The following OR10J1 variants were observed in gnomAD, a reference collection of about 807,000 sequenced individuals.
OR10J1 encodes the protein olfactory receptor family 10 subfamily J member 1, also known as olfactory receptor 10J1.
For synonymous variants in OR10J1, 202 were observed against 143.8 expected (o/e 1.40, Z -2.89); for missense variants, 474 against 376.6 (o/e 1.26, Z -2.14).
the OR10J1 span, among the ~76,000 whole-genome samples, chr1:159,402,629 A>G: frequency 2.0e-5 from 3 of 152,110 alleles, no homozygotes; most frequent in African/African-American, 7.2e-5. Context: ...AAAAAAAGGA[A>G]AAAGATTCCA....
the OR10J1 span, among the ~76,000 whole-genome samples, chr1:159,423,037 A>G: frequency 6.6e-6 from 1 of 152,184 alleles, no homozygotes; most frequent in Non-Finnish European, 1.5e-5. Context: ...GAAGAGGTGA[A>G]TACCAGATGC....
the OR10J1 span, among the ~76,000 whole-genome samples, chr1:159,421,531 G>T: frequency 2.6e-5 from 4 of 152,140 alleles, no homozygotes; most frequent in South Asian, 4.1e-4. Flanking sequence ...CCAATTTTTT[G>T]AATTTGTTCT....
At chr1:159,420,146 C>T in the OR10J1 span, among the ~76,000 whole-genome samples, 1 of 152,036 alleles carries the variant, frequency 6.6e-6, no homozygotes, top group Non-Finnish European at 1.5e-5. Context: ...TTTTTTCCTG[C>T]TCACTTTGGT....
At chr1:159,421,810 C>A in the OR10J1 span, among the ~76,000 whole-genome samples, 1 of 152,104 alleles carries the variant, frequency 6.6e-6, no homozygotes, top group Non-Finnish European at 1.5e-5. Context: ...CTGTTCATGG[C>A]CCCATGGTGA....
the OR10J1 span, among the ~76,000 whole-genome samples, chr1:159,411,691 C>A: frequency 3.3e-5 from 5 of 152,084 alleles, no homozygotes; most frequent in South Asian, 1.0e-3. Flanking sequence ...GCATTTAGCC[C>A]ATTTACATTT....
the OR10J1 span, among the ~76,000 whole-genome samples, chr1:159,428,153 A>G: frequency 1.3e-5 from 2 of 152,212 alleles, no homozygotes; most frequent in South Asian, 2.1e-4. Context: ...AAGTGTTAGT[A>G]TTGAATATTA....
At chr1:159,425,908 C>T in the OR10J1 span, among the ~76,000 whole-genome samples, 1 of 151,962 alleles carries the variant, frequency 6.6e-6, no homozygotes, top group Non-Finnish European at 1.5e-5. Flanking sequence ...AAGTGGCTGC[C>T]TCCAAAAGGC....
the OR10J1 span, chr1:159,432,631 T>A: frequency 1.3e-5 from 6 of 455,316 alleles, no homozygotes; most frequent in East Asian, 1.9e-4. Context: ...AAGGCTTGTA[T>A]ACAACTGGTC....
the OR10J1 span, among the ~76,000 whole-genome samples, chr1:159,414,809 A>G: frequency 6.6e-6 from 1 of 152,058 alleles, no homozygotes; most frequent in Non-Finnish European, 1.5e-5. Context: ...TGTGGTTTTG[A>G]TTTGAATTTC....
chr1:159,428,811 C>T, the OR10J1 span, among the ~76,000 whole-genome samples: 278 of 152,306 alleles, frequency 1.8e-3, 2 homozygotes, highest in Middle Eastern at 0.01. Flanking sequence ...CTCTTCCATG[C>T]TTGTCAGTCT....
chr1:159,423,116 A>AT, the OR10J1 span, among the ~76,000 whole-genome samples: 74 of 152,070 alleles, frequency 4.9e-4, 1 homozygote, highest in Non-Finnish European at 4.7e-4. Context: ...CCGAAAATAC[A>AT]TTTTTTTTCT....
At chr1:159,427,893 T>A in the OR10J1 span, among the ~76,000 whole-genome samples, 1 of 152,130 alleles carries the variant, frequency 6.6e-6, no homozygotes, top group Non-Finnish European at 1.5e-5. Context: ...TGAGCCAATA[T>A]TTTAAAAATT....
rs958261411 is a variant in OR10J1 at position 159,440,010 on chromosome 1, T to C, written c.219T>C (p.Tyr73=). 1.9e-6 allele frequency: 3 copies of C among 1,614,058 alleles called. No homozygotes were observed. In the African/African-American group the frequency reaches 4.0e-5, roughly 22 times the overall value. The change falls in exon 1 of 1, where the codon TAT becomes TAC. Residue 73 remains tyrosine (Y), a synonymous_variant. Transcript: ENST00000423932. ...LSMLSTSETV[Y]TLVILPRMLS... ...TGCTGTCCACTTCAGAGACTGTATA[T>C]ACATTGGTCATTCTCCCAAGAATGC...
the OR10J1 span, among the ~76,000 whole-genome samples, chr1:159,417,194 T>C: frequency 6.6e-6 from 1 of 152,206 alleles, no homozygotes; most frequent in Admixed American, 6.5e-5. Context: ...CTATATGTGT[T>C]TATTTCTATA....
Position 159,440,943 on chromosome 1 carries a change from T to C in OR10J1, c.*222T>C, listed in dbSNP as rs1655930422. On this transcript the variant is annotated 3_prime_UTR_variant, in exon 1 of 1. Transcript: ENST00000423932. The stretch of plus-strand genomic sequence containing the variant: ...TAAATAGACAAACAAGGATAAGATA[T>C]GCCTAAATAAAAGGCCAGAAAGTAG... 2.1e-6 allele frequency: 1 copy of C among 469,300 alleles called. No individual in the cohort carries two copies. The highest frequency in any genetic ancestry group is 3.7e-6 in the Non-Finnish European group (1 of 271,632). The allele number at this position is 469,300 out of a possible 1,614,324, so 29.1% of individuals were successfully genotyped here.
At chr1:159,434,625 C>G (rs1655684715), upstream of OR10J1, among the ~76,000 whole-genome samples, 1 of 152,126 alleles carries the variant, frequency 6.6e-6, no homozygotes, top group Non-Finnish European at 1.5e-5. Context: ...AGAGTACAGG[C>G]TTTGAACAGA....
the OR10J1 span, among the ~76,000 whole-genome samples, chr1:159,417,723 A>G: frequency 4.6e-5 from 7 of 152,228 alleles, no homozygotes; most frequent in South Asian, 2.1e-4. Flanking sequence ...CTAAAAATGT[A>G]AAAGCAACTT....
the OR10J1 span, among the ~76,000 whole-genome samples, chr1:159,430,651 G>GTGTGTGTT: frequency 1.3e-5 from 1 of 76,130 alleles, no homozygotes; most frequent in African/African-American, 3.4e-5. Flanking sequence ...GTGTGTGTGT[G>GTGTGTGTT]TGTGTGTGTG....
the OR10J1 span, among the ~76,000 whole-genome samples, chr1:159,406,621 A>C: frequency 6.6e-6 from 1 of 152,108 alleles, no homozygotes; most frequent in African/African-American, 2.4e-5. Context: ...ACATAATGTG[A>C]ACAACAAAAT....
Sources: allele counts gnomAD v4.1 joint callset (sites outside exome capture counted in the v4.1 genomes callset), GRCh38; gene constraint gnomAD v4.1.1; transcripts MANE v1.5; gene names NCBI Gene and HGNC (gene_info 2026-07-23, HGNC 2026-07-21).